ARHGAP26: variants seen among roughly 807,000 people sequenced by gnomAD.
ARHGAP26 encodes Rho GTPase activating protein 26.
In ARHGAP26, 38 loss-of-function variants were observed where a neutral mutation model predicts 104.8. The ratio of observed to expected loss-of-function variants is 0.36; its 90% CI spans 0.28 to 0.48. The LOEUF is 0.48. ARHGAP26 is among the 20% of genes least tolerant of loss of function. ARHGAP26 has a pLI of 0.99. For synonymous variants in ARHGAP26, 341 were observed against 340.0 expected (o/e 1.00, Z -0.03); for missense variants, 704 against 947.9 (o/e 0.74, Z 3.38).
intron 1 of ARHGAP26, among the ~76,000 whole-genome samples, chr5:142,849,178 T>G (rs1450469838): frequency 1.3e-5 from 2 of 152,202 alleles, no homozygotes; most frequent in Admixed American, 1.3e-4. Flanking sequence ...GACAAATGAT[T>G]TGAAAGATTG....
intron 20 of ARHGAP26, among the ~76,000 whole-genome samples, chr5:143,175,439 GTT>G (rs1384271818): frequency 6.6e-6 from 1 of 152,006 alleles, no homozygotes; most frequent in Non-Finnish European, 1.5e-5. Flanking sequence ...CTTAGCATGA[GTT>G]TTTCTTTTGT....
intron 11 of ARHGAP26, among the ~76,000 whole-genome samples, chr5:142,976,166 G>A (rs979910088): frequency 6.6e-6 from 1 of 152,168 alleles, no homozygotes; most frequent in African/African-American, 2.4e-5. Context: ...CACTTCATTG[G>A]AAGCTCTTTC....
chr5:143,123,621 G>A lies in ARHGAP26; in HGVS notation c.1698+2474G>A, dbSNP rs150405728. On this transcript the variant is annotated intron_variant, in intron 18 of 22. Coordinates refer to ENST00000645722, the MANE Select transcript of ARHGAP26 (RefSeq NM_001135608.3). ...AATCCCAGTGTTTTGGGAGGCTAAG[G>A]TGGGAGGATCATTTGAAGCCAAGAG... 2.6e-3 allele frequency among the ~76,000 whole-genome samples: 398 copies of A among 152,334 alleles called. 6 individuals are homozygous for A. Among genetic ancestry groups the A allele is most frequent in the African/African-American group, 9.3e-3 (386 of 41,578 alleles).
intron 1 of ARHGAP26, among the ~76,000 whole-genome samples, chr5:142,843,749 C>T (rs1189210194): frequency 1.3e-5 from 2 of 152,194 alleles, no homozygotes; most frequent in Admixed American, 6.5e-5. Context: ...ACCAATCTCT[C>T]ATAACCTCTA....
At chr5:143,023,161 GT>G (rs1483362846) in intron 12 of ARHGAP26, among the ~76,000 whole-genome samples, 1 of 152,222 alleles carries the variant, frequency 6.6e-6, no homozygotes, top group Non-Finnish European at 1.5e-5. Context: ...TTTATATGTT[GT>G]TTCTGTACAT....
intron 11 of ARHGAP26, among the ~76,000 whole-genome samples, chr5:142,988,727 T>A (rs1775147456): frequency 6.6e-6 from 1 of 152,244 alleles, no homozygotes; most frequent in Admixed American, 6.5e-5. Context: ...CATCTTTATT[T>A]CTGCTTTCAT....
intron 11 of ARHGAP26, among the ~76,000 whole-genome samples, chr5:142,994,311 G>A (rs1336825741): frequency 1.3e-5 from 2 of 152,230 alleles, no homozygotes; most frequent in Non-Finnish European, 2.9e-5. Context: ...TCATGGGACA[G>A]ATGAGGAAAC....
intron 14 of ARHGAP26, among the ~76,000 whole-genome samples, chr5:143,048,683 A>T (rs1050898213): frequency 4.0e-5 from 6 of 151,848 alleles, no homozygotes; most frequent in Non-Finnish European, 7.4e-5. Context: ...TGGGAGGCCG[A>T]GGAGGGCGGA....
chr5:143,055,990 T>C (rs375492271), intron 15 of ARHGAP26, 38 bp from the exon 16 acceptor site: 1 of 1,487,342 alleles, frequency 6.7e-7, no homozygotes, highest in Non-Finnish European at 9.4e-7. Context: ...TGATTATTCT[T>C]ATTATTAAGC....
At chr5:142,898,608 G>A (rs1016611666) in intron 6 of ARHGAP26, among the ~76,000 whole-genome samples, 5 of 151,940 alleles carry the variant, frequency 3.3e-5, no homozygotes, top group Admixed American at 1.3e-4. Context: ...CTTCTAACAC[G>A]TCAGTCTGAT....
chr5:142,898,185 C>G (rs919530109), intron 6 of ARHGAP26, among the ~76,000 whole-genome samples: 4 of 151,900 alleles, frequency 2.6e-5, no homozygotes, highest in Non-Finnish European at 5.9e-5. Flanking sequence ...TACACACACA[C>G]ACACACATAT....
chr5:143,047,482 T>G (rs1784390451), intron 14 of ARHGAP26, among the ~76,000 whole-genome samples: 1 of 152,230 alleles, frequency 6.6e-6, no homozygotes, highest in Non-Finnish European at 1.5e-5. Context: ...AATTATTTCC[T>G]CAGGACTTAT....
intron 22 of ARHGAP26, among the ~76,000 whole-genome samples, chr5:143,215,936 G>T (rs1810280142): frequency 6.6e-6 from 1 of 152,150 alleles, no homozygotes; most frequent in African/African-American, 2.4e-5. Flanking sequence ...GTTTTTGTGA[G>T]GGCGTAGGTT....
intron 18 of ARHGAP26, among the ~76,000 whole-genome samples, chr5:143,132,008 G>A (rs1231155859): frequency 6.6e-6 from 1 of 152,130 alleles, no homozygotes; most frequent in Non-Finnish European, 1.5e-5. Context: ...TGCTCGGGAA[G>A]TTAGGAGTTT....
chr5:143,134,030 A>G lies in ARHGAP26; in HGVS notation c.1762A>G (p.Ser588Gly). 6.2e-7 allele frequency: 1 copy of G among 1,613,278 alleles called. No homozygotes were observed. The highest frequency in any genetic ancestry group is 8.5e-7 in the Non-Finnish European group (1 of 1,179,618). Residue 588 changes from serine (S) to glycine (G), a missense_variant, in exon 19 of 23, where the codon AGC becomes GGC. This residue lies in a region of ARHGAP26 where 217 missense variants were observed against 242.6 expected (regional missense o/e 0.89). Coordinates refer to ENST00000645722, the MANE Select transcript of ARHGAP26 (RefSeq NM_001135608.3). The part of the protein sequence containing the change: ...NAQLHLSRKK[S>G]SDSKPPSCSE... ...CCAGCTGCACCTGTCTCGGAAGAAG[A>G]GCAGTGACTCCAAGCCCCCGTCCTG...
chr5:143,207,054 G>T, intron 20 of ARHGAP26, 144 bp from the exon 21 acceptor site: 4 of 906,090 alleles, frequency 4.4e-6, no homozygotes, highest in Non-Finnish European at 6.7e-6. Context: ...GGAGGAATGT[G>T]ACATGGCCCT....
chr5:143,058,055 C>A (rs2150295956), intron 17 of ARHGAP26: 1 of 567,976 alleles, frequency 1.8e-6, no homozygotes, highest in Non-Finnish European at 3.4e-6. Flanking sequence ...CAGGTCACCA[C>A]ACAGAATTTT....
intron 11 of ARHGAP26, among the ~76,000 whole-genome samples, chr5:142,963,170 A>ATG (rs199683282): frequency 2.2e-4 from 14 of 62,692 alleles, no homozygotes; most frequent in African/African-American, 3.4e-4. Context: ...CATGGTATAT[A>ATG]TGTATATATA....
intron 11 of ARHGAP26, among the ~76,000 whole-genome samples, chr5:142,970,426 T>G (rs1772091432): frequency 6.6e-6 from 1 of 152,244 alleles, no homozygotes; most frequent in Admixed American, 6.5e-5. Context: ...TGTTTTCCTC[T>G]CTGTTGGCTT....
Sources: gnomAD v4.1 joint callset for allele counts (sites outside exome capture counted in the v4.1 genomes callset) on GRCh38, gnomAD v4.1.1 for gene constraint, gnomAD v4.1.1 regional missense constraint, MANE v1.5 for transcripts, NCBI Gene and HGNC (gene_info 2026-07-23, HGNC 2026-07-21) for gene names.